The following GLRA2 variants were observed in gnomAD, a reference collection of about 807,000 sequenced individuals.
The protein encoded by GLRA2 is glycine receptor subunit alpha-2.
Under a neutral mutation model 31.6 loss-of-function variants are expected in GLRA2, and 11 were observed. The ratio of observed to expected loss-of-function variants is 0.35; its 90% CI spans 0.22 to 0.58. The LOEUF is 0.58. Ranked by LOEUF, GLRA2 falls within the 20% of genes least tolerant of loss-of-function variation. GLRA2 has a pLI of 0.84. For synonymous variants in GLRA2, 132 were observed against 134.0 expected (o/e 0.99, Z 0.10); for missense variants, 212 against 351.8 (o/e 0.60, Z 3.18).
intron 2 of GLRA2, among the ~76,000 whole-genome samples, chrX:14,556,163 A>G (rs1236412026): frequency 8.9e-6 from 1 of 111,916 alleles, no homozygotes; most frequent in Non-Finnish European, 1.9e-5. Context: ...CTATCAGCCA[A>G]TTCCATTATC....
At chrX:14,719,321 C>A (rs1170309809) in intron 8 of GLRA2, among the ~76,000 whole-genome samples, 1 of 111,397 alleles carries the variant, frequency 9.0e-6, no homozygotes, top group African/African-American at 3.3e-5. Context: ...GGATCAATAT[C>A]AAAAATATAC....
At chrX:14,639,044 C>T (rs1297577590) in intron 7 of GLRA2, among the ~76,000 whole-genome samples, 2 of 111,321 alleles carry the variant, frequency 1.8e-5, no homozygotes, top group Non-Finnish European at 3.8e-5. Context: ...GATCTGAATC[C>T]TTTGTTGCTG....
chrX:14,712,167 T>C (rs1014499825), intron 8 of GLRA2, among the ~76,000 whole-genome samples: 1 of 112,970 alleles, frequency 8.9e-6, no homozygotes, highest in Non-Finnish European at 1.9e-5. Context: ...CATTTGTCTG[T>C]ATCAGGGTTT....
At chrX:14,684,889 G>A (rs1317506073) in intron 7 of GLRA2, among the ~76,000 whole-genome samples, 1 of 110,943 alleles carries the variant, frequency 9.0e-6, no homozygotes, top group African/African-American at 3.3e-5. Context: ...TCCCTGTCTT[G>A]TGCCAGTTTT....
At chrX:14,688,301 T>C (rs1454332502) in intron 7 of GLRA2, among the ~76,000 whole-genome samples, 1 of 111,705 alleles carries the variant, frequency 9.0e-6, no homozygotes, top group Non-Finnish European at 1.9e-5. Flanking sequence ...AACTCCATTC[T>C]GGGAGAACCA....
chrX:14,728,394 AAAT>A lies in GLRA2; in HGVS notation c.1081-1801_1081-1799del, dbSNP rs1198493162. On this transcript the variant is annotated intron_variant, in intron 8 of 8. Coordinates refer to ENST00000218075, the MANE Select transcript of GLRA2 (RefSeq NM_002063.4). ...GGCAACAGAGTGAGACTGTCTCAAA[AAAT>A]AATAATAATAAAGGTTATAATTAAT... 2.7e-5 allele frequency among the ~76,000 whole-genome samples: 3 copies of A among 111,311 alleles called. No individual in the cohort carries two copies. The Admixed American group carries it at 2.9e-4, about 11-fold the overall frequency.
In GLRA2 at chrX:14,624,544, C is replaced by T. The variant is rs759630740; in HGVS notation, c.930+15339C>T. ...TAAATGTGTCCCAGAGATTCTGGTA[C>T]GTTGTGTCTTTGTTCTCATTGGTTT... On this transcript the variant is annotated intron_variant, in intron 7 of 8. Coordinates refer to ENST00000218075, the MANE Select transcript of GLRA2 (RefSeq NM_002063.4). Among the ~76,000 whole-genome samples, 47 of 111,681 alleles carry T rather than the reference C, an allele frequency of 4.2e-4. No individual in the cohort carries two copies. In the South Asian group the frequency reaches 0.016, roughly 38 times the overall value.
intron 7 of GLRA2, among the ~76,000 whole-genome samples, chrX:14,652,427 T>C (rs2090899195): frequency 9.0e-6 from 1 of 111,625 alleles, no homozygotes; most frequent in South Asian, 3.8e-4. Context: ...TTATTGCATT[T>C]CACAGCTATT....
At chrX:14,545,848 T>C (rs1472535957) in intron 2 of GLRA2, among the ~76,000 whole-genome samples, 1 of 111,340 alleles carries the variant, frequency 9.0e-6, no homozygotes, top group Non-Finnish European at 1.9e-5. Context: ...GATAAGATTT[T>C]CTTTGGAATC....
At chrX:14,583,546 G>A (rs1285453431) in intron 4 of GLRA2, among the ~76,000 whole-genome samples, 1 of 111,791 alleles carries the variant, frequency 8.9e-6, no homozygotes, top group Non-Finnish European at 1.9e-5. Flanking sequence ...AGACCAGCCT[G>A]GCCAATATGG....
the GLRA2 span, among the ~76,000 whole-genome samples, chrX:14,502,883 CAAAA>C: frequency 4.7e-5 from 2 of 42,120 alleles, no homozygotes; most frequent in African/African-American, 1.1e-4. Flanking sequence ...CACAAAAATG[CAAAA>C]AAAAAAAAAA....
At chrX:14,626,741 A>T (rs2090592880) in intron 7 of GLRA2, among the ~76,000 whole-genome samples, 1 of 112,265 alleles carries the variant, frequency 8.9e-6, no homozygotes, top group South Asian at 3.7e-4. Flanking sequence ...TGACAATAAA[A>T]TGGTTAAAAA....
chrX:14,728,075 G>A (rs2147270396), intron 8 of GLRA2, among the ~76,000 whole-genome samples: 1 of 112,358 alleles, frequency 8.9e-6, no homozygotes, highest in Admixed American at 9.5e-5. Flanking sequence ...TTATAAAGTA[G>A]TAGTTTTATA....
the GLRA2 span, among the ~76,000 whole-genome samples, chrX:14,477,033 A>G: frequency 0.033 from 3,643 of 111,558 alleles, 148 homozygotes; most frequent in African/African-American, 0.11. Flanking sequence ...TATACTGAGG[A>G]CCCTGCATTC....
At chrX:14,716,561 G>A (rs16979657) in intron 8 of GLRA2, among the ~76,000 whole-genome samples, 3,048 of 111,412 alleles carry the variant, frequency 0.027, 104 homozygotes, top group African/African-American at 0.094. Context: ...CAGGGAGCAC[G>A]ACTTTTCTGT....
chrX:14,585,589 A>T lies in GLRA2; in HGVS notation c.494+4183A>T, dbSNP rs772052603. On this transcript the variant is annotated intron_variant, in intron 4 of 8. Transcript: ENST00000218075. ...TTGTGTCCATGTCTTAAAGGTGCTG[A>T]AAAGTTCCTGCTGACGTTCCATTAG... is the stretch of plus-strand genomic sequence containing the variant. Among the ~76,000 whole-genome samples, 114 of 111,513 alleles carry T rather than the reference A, an allele frequency of 1.0e-3. 1 individual carries two copies. The highest frequency in any genetic ancestry group is 6.6e-4 in the Non-Finnish European group (35 of 53,125).
At chrX:14,489,616 G>C in the GLRA2 span, among the ~76,000 whole-genome samples, 35 of 112,207 alleles carry the variant, frequency 3.1e-4, no homozygotes, top group African/African-American at 1.1e-3. Flanking sequence ...AAGCGATGCG[G>C]ACTTCTGTGG....
At chrX:14,497,890 TATC>T in the GLRA2 span, among the ~76,000 whole-genome samples, 1 of 105,123 alleles carries the variant, frequency 9.5e-6, no homozygotes, top group Non-Finnish European at 1.9e-5. Context: ...AACCCAGAAA[TATC>T]ATCCTGGAAT....
chrX:14,539,375 G>A (rs952761056), intron 2 of GLRA2, among the ~76,000 whole-genome samples: 7 of 111,409 alleles, frequency 6.3e-5, no homozygotes, highest in African/African-American at 2.3e-4. Flanking sequence ...TGAAGCGTTT[G>A]CTCATTGATT....
Sources: gnomAD v4.1 joint callset for allele counts (sites outside exome capture counted in the v4.1 genomes callset) on GRCh38, gnomAD v4.1.1 for gene constraint, MANE v1.5 for transcripts, NCBI Gene and HGNC (gene_info 2026-07-23, HGNC 2026-07-21) for gene names.